The following ZNF384 variants were observed in gnomAD, a reference collection of about 807,000 sequenced individuals.
The protein encoded by ZNF384 is CAG repeat protein 1.
Under a neutral mutation model 65.0 loss-of-function variants are expected in ZNF384, and 20 were observed. The observed-to-expected ratio is 0.31, with a 90% confidence interval of 0.22 to 0.45. The LOEUF (loss-of-function observed/expected upper bound fraction) is 0.45. Ranked by LOEUF, ZNF384 falls within the 20% of genes least tolerant of loss-of-function variation. The pLI, the probability that ZNF384 is intolerant of heterozygous loss-of-function variation, is 1.00. For synonymous variants in ZNF384, 310 were observed against 303.9 expected (o/e 1.02, Z -0.21); for missense variants, 549 against 769.4 (o/e 0.71, Z 3.39).
chr12:6,670,706 C>G, intron 10 of ZNF384, 54 bp downstream of exon 10: 1 of 1,530,162 alleles, frequency 6.5e-7, no homozygotes, highest in Non-Finnish European at 9.1e-7. Context: ...CGATACTATT[C>G]AAATGGCCCC....
chr12:6,668,902 C>A, intron 11 of ZNF384, 129 bp downstream of exon 11: 2 of 937,262 alleles, frequency 2.1e-6, no homozygotes, highest in Non-Finnish European at 3.1e-6. Flanking sequence ...TGAATATTTA[C>A]CTGTTCTGCT....
intron 1 of ZNF384, 30 bp downstream of exon 1, chr12:6,689,068 G>T (rs1048844464): frequency 2.0e-5 from 3 of 152,274 alleles, no homozygotes; most frequent in Non-Finnish European, 4.4e-5. Flanking sequence ...GCAGCTTGGC[G>T]CGCGCCGGCT....
intron 2 of ZNF384, among the ~76,000 whole-genome samples, chr12:6,681,211 CAA>C (rs199629450): frequency 0.016 from 1,066 of 65,328 alleles, 12 homozygotes; most frequent in Middle Eastern, 0.053. Flanking sequence ...AACGCCATCT[CAA>C]AAAAAAAAAA....
At chr12:6,686,062 G>A (rs1957807732) in intron 2 of ZNF384, among the ~76,000 whole-genome samples, 1 of 152,100 alleles carries the variant, frequency 6.6e-6, no homozygotes. Context: ...AGGTGTTTTT[G>A]GCAGATATGG....
In ZNF384 at chr12:6,672,915, C is replaced by T. The variant is rs969356932; in HGVS notation, c.1004+301G>A. 6.0e-5 allele frequency: 28 copies of T among 463,642 alleles called. No individual in the cohort carries two copies. Among genetic ancestry groups the T allele is most frequent in the African/African-American group, 4.3e-4 (22 of 51,242 alleles). The allele number at this position is 463,642 out of a possible 1,614,324, so 28.7% of individuals were successfully genotyped here. A position where few individuals can be genotyped will look rare whatever the true frequency, so the allele number is the denominator to read the frequency against. On this transcript the variant is annotated intron_variant, in intron 8 of 11. Coordinates refer to ENST00000683879, the MANE Select transcript of ZNF384 (RefSeq NM_001385745.1). The surrounding 1 kb of genome is among the most constrained non-coding windows in gnomAD (Gnocchi z 4.4). ...CCCCATGGACCTGAAGTTGAATGCA[C>T]ACCTTGGCTCTGAACTGAAGCATAT...
intron 3 of ZNF384, 43 bp from the exon 4 acceptor site, chr12:6,679,226 A>T: frequency 6.7e-7 from 1 of 1,498,448 alleles, no homozygotes; most frequent in Non-Finnish European, 9.0e-7. Flanking sequence ...CTTCAGCCTG[A>T]GAGGCTGATT....
intron 11 of ZNF384, among the ~76,000 whole-genome samples, chr12:6,668,578 C>T (rs1229381559): frequency 6.6e-6 from 1 of 151,980 alleles, no homozygotes; most frequent in Non-Finnish European, 1.5e-5. Flanking sequence ...CAACATGCAC[C>T]TGTAATCCCA....
At chr12:6,677,338 G>C in intron 6 of ZNF384, 79 bp from the exon 7 acceptor site, 1 of 1,225,326 alleles carries the variant, frequency 8.2e-7, no homozygotes, top group Non-Finnish European at 1.0e-6. Flanking sequence ...ATGCACATCT[G>C]CCCCTGTCTA....
At position 6,672,505 on chromosome 12, in the gene ZNF384, G is replaced by C. The variant is rs772009244; in HGVS notation, c.1032C>G (p.Thr344=). The change falls in exon 9 of 12, where the codon ACC becomes ACG. Residue 344 remains threonine (T), a synonymous_variant. Coordinates refer to ENST00000683879, the MANE Select transcript of ZNF384 (RefSeq NM_001385745.1). The surrounding 1 kb of genome is among the most constrained non-coding windows in gnomAD (Gnocchi z 4.4). Reference sequence around the variant, plus strand: ...AGTGCGGGCACTTGTGGGGCTTGATGGTCTCCGTGTGCATCTTGGAGTGGA... The same window carrying C: ...AGTGCGGGCACTTGTGGGGCTTGATCGTCTCCGTGTGCATCTTGGAGTGGA... ...TRIHSKMHTE[T]IKPHKCPHCS... 1 of 1,613,808 alleles carries C rather than the reference G, an allele frequency of 6.2e-7. No individual in the cohort carries two copies. Among genetic ancestry groups the C allele is most frequent in the African/African-American group, 1.3e-5 (1 of 74,878 alleles).
chr12:6,679,034 C>T lies in ZNF384; in HGVS notation c.216G>A (p.Lys72=), dbSNP rs757295714. Residue 72 remains lysine (K), a synonymous_variant, in exon 4 of 12, where the codon AAG becomes AAA. Coordinates refer to ENST00000683879, the MANE Select transcript of ZNF384 (RefSeq NM_001385745.1). The part of the protein sequence containing the change: ...PSGISMDTES[K]SDQLTPHSQA... ...GGCTGTGTGGGGTCAGCTGGTCTGA[C>T]TTGGACTCTGTGTCCATACTGATGC... The T allele has an allele frequency of 8.1e-6, 13 of 1,613,950 alleles. No homozygotes were observed. The highest frequency in any genetic ancestry group is 1.1e-5 in the Non-Finnish European group (13 of 1,180,028).
rs780822685 is a variant in ZNF384, at chr12:6,685,350, A to AAT, written c.-6+2816_-6+2817insAT. 2.8e-4 allele frequency among the ~76,000 whole-genome samples: 35 copies of AAT among 125,486 alleles called. 1 individual carries two copies. The highest frequency in any genetic ancestry group is 4.3e-4 in the Non-Finnish European group (25 of 58,590). 82.3% of individuals were successfully genotyped at this position (125,486 alleles called of 152,430 possible). ...AAAGAAAAAAAGAAAAAGAAATAGA[A>AAT]AGGAAAGAAAAAACAGAAGAGAAGG... On this transcript the variant is annotated intron_variant, in intron 2 of 11. Transcript: ENST00000683879.
Position 6,667,336 on chromosome 12 carries a change from TAG to T in ZNF384, c.*376_*377del, listed in dbSNP as rs1949998037. On this transcript the variant is annotated 3_prime_UTR_variant, in exon 12 of 12. Transcript: ENST00000683879. Reference sequence around the variant, plus strand: ...TCTGTTATCTGGGAGGGCCAGCCTCTAGTCTTACATCAGCCCAAACTTTGAGG... The same window carrying T: ...TCTGTTATCTGGGAGGGCCAGCCTCTTCTTACATCAGCCCAAACTTTGAGG... 1 of 407,706 alleles carries T rather than the reference TAG, an allele frequency of 2.5e-6. No individual in the cohort carries two copies. Among genetic ancestry groups the T allele is most frequent in the Admixed American group, 3.6e-5 (1 of 27,878 alleles). 25.3% of individuals were successfully genotyped at this position (407,706 alleles called of 1,614,324 possible). A position where few individuals can be genotyped will look rare whatever the true frequency, so the allele number is the denominator to read the frequency against.
At chr12:6,682,030 G>C (rs1410132367) in intron 2 of ZNF384, among the ~76,000 whole-genome samples, 1 of 151,306 alleles carries the variant, frequency 6.6e-6, no homozygotes, top group East Asian at 1.9e-4. Flanking sequence ...GGTGGCTCAT[G>C]CTTGTAATCT....
Position 6,673,133 on chromosome 12 carries a change from A to C in ZNF384, c.1004+83T>G. 2.4e-6 allele frequency: 3 copies of C among 1,244,130 alleles called. No homozygotes were observed. The South Asian group carries it at 4.0e-5, about 17-fold the overall frequency. 77.1% of individuals were successfully genotyped at this position (1,244,130 alleles called of 1,614,324 possible). ...GCAAAGGTGAAAGGGAAAGAATAAT[A>C]CATGTGGAGAGAGGAGTAGGTGCAG... On this transcript the variant is annotated intron_variant, in intron 8 of 11. Coordinates refer to ENST00000683879, the MANE Select transcript of ZNF384 (RefSeq NM_001385745.1). This position sits in a 1 kb window ranked among gnomAD's most constrained non-coding sequence, Gnocchi z 4.7.
At position 6,669,042 on chromosome 12, in the gene ZNF384, C is replaced by A. The variant is rs759742610; in HGVS notation, c.1414G>T (p.Ala472Ser). ...KVYTCTICSR[A>S]YTSETYLMKH... ...AACGGAGCACTCACTGATGTGTATG[C>A]CCGACTGCAGATAGTGCAGGTGTAC... Residue 472 changes from alanine (A) to serine (S), a missense_variant, in exon 11 of 12, where the codon GCA becomes TCA. Ala to Ser is a moderately conservative substitution (Grantham distance 99, BLOSUM62 1). Coordinates refer to ENST00000683879, the MANE Select transcript of ZNF384 (RefSeq NM_001385745.1). The A allele has an allele frequency of 3.7e-6, 6 of 1,608,174 alleles. No homozygotes were observed. The Admixed American group carries it at 1.0e-4, about 27-fold the overall frequency.
At chr12:6,668,967 T>G in intron 11 of ZNF384, 64 bp downstream of exon 11, 2 of 1,491,296 alleles carry the variant, frequency 1.3e-6, no homozygotes, top group African/African-American at 1.4e-5. Context: ...ACCCAGAAAA[T>G]GGGGTGAAGT....
intron 2 of ZNF384, among the ~76,000 whole-genome samples, chr12:6,680,263 C>A (rs1267896942): frequency 1.3e-5 from 2 of 152,114 alleles, no homozygotes; most frequent in African/African-American, 4.8e-5. Context: ...CTGTGCCCAG[C>A]CAATAAAAAT....
chr12:6,677,886 T>TG (rs1296106418), intron 6 of ZNF384, among the ~76,000 whole-genome samples: 1 of 152,104 alleles, frequency 6.6e-6, no homozygotes, highest in Non-Finnish European at 1.5e-5. Flanking sequence ...AATTAGTCAG[T>TG]GTTAACGACC....
At chr12:6,679,974 G>A (rs114134697) in intron 2 of ZNF384, among the ~76,000 whole-genome samples, 1 of 152,166 alleles carries the variant, frequency 6.6e-6, no homozygotes, top group African/African-American at 2.4e-5. Flanking sequence ...CCTTGAAATA[G>A]AAATTTTAGT....
Sources: gnomAD v4.1 joint callset for allele counts (sites outside exome capture counted in the v4.1 genomes callset) on GRCh38, gnomAD v4.1.1 for gene constraint, Gnocchi (gnomAD v3.1) non-coding constraint, MANE v1.5 for transcripts, NCBI Gene and HGNC (gene_info 2026-07-23, HGNC 2026-07-21) for gene names.